Variants in MAP3K1 observed in about 807,000 individuals in gnomAD.
MAP3K1 encodes the protein MAP/ERK kinase kinase 1.
Under a neutral mutation model 144.2 loss-of-function variants are expected in MAP3K1, and 36 were observed. The observed-to-expected ratio is 0.25, with a 90% CI of 0.19 to 0.33. The LOEUF (loss-of-function observed/expected upper bound fraction) is 0.33. MAP3K1 is among the 10% of genes least tolerant of loss of function. MAP3K1 has a pLI of 1.00. For missense variants in MAP3K1, 1,650 were observed against 1,881.9 expected, an observed-to-expected ratio of 0.88 and a Z score of 2.28; for synonymous variants, 718 against 688.7, an observed-to-expected ratio of 1.04 and a Z score of -0.67.
In MAP3K1 at chr5:56,846,758, G is replaced by A. The variant is rs533723732; in HGVS notation, c.483-9842G>A. Among the ~76,000 whole-genome samples, 3 of 152,302 alleles carry A rather than the reference G, an allele frequency of 2.0e-5. No individual in the cohort carries two copies. In the East Asian group the frequency reaches 5.8e-4, roughly 29 times the overall value. On this transcript the variant is annotated intron_variant, in intron 1 of 19. Transcript: ENST00000399503. ...TTTGACGTTTTCTTGACCTGTCAGT[G>A]CTCATGATTGTTTCCGTGGCTTAAC...
At chr5:56,849,022 A>G (rs974616716) in intron 1 of MAP3K1, among the ~76,000 whole-genome samples, 21 of 152,232 alleles carry the variant, frequency 1.4e-4, no homozygotes, top group Non-Finnish European at 2.5e-4. Flanking sequence ...TTCCACTAAT[A>G]AAGATTTCTG....
chr5:56,893,383 C>G, intron 19 of MAP3K1, 148 bp from the exon 20 acceptor site: 1 of 832,604 alleles, frequency 1.2e-6, no homozygotes, highest in South Asian at 1.5e-5. Flanking sequence ...TTTTCATAGA[C>G]TTTTTGATAG....
intron 7 of MAP3K1, 67 bp from the exon 8 acceptor site, chr5:56,872,574 A>C (rs1747887344): frequency 1.1e-6 from 1 of 899,872 alleles, no homozygotes; most frequent in Non-Finnish European, 1.8e-6. Context: ...AATTATAAAC[A>C]GTTATGAAAT....
At chr5:56,840,111 C>T (rs999027916) in intron 1 of MAP3K1, among the ~76,000 whole-genome samples, 5 of 152,136 alleles carry the variant, frequency 3.3e-5, no homozygotes, top group African/African-American at 7.2e-5. Context: ...CCATTGACAT[C>T]TACTCATGTT....
At chr5:56,842,954 ACTT>A (rs1746861130) in intron 1 of MAP3K1, among the ~76,000 whole-genome samples, 1 of 151,978 alleles carries the variant, frequency 6.6e-6, no homozygotes, top group Non-Finnish European at 1.5e-5. Context: ...GCTGTGCCAT[ACTT>A]CTTCTGTATG....
chr5:56,851,238 G>A (rs1747160933), intron 1 of MAP3K1, among the ~76,000 whole-genome samples: 1 of 152,182 alleles, frequency 6.6e-6, no homozygotes, highest in Non-Finnish European at 1.5e-5. Context: ...GAGCCACCGT[G>A]CCCGGCCAGG....
chr5:56,818,175 G>A (rs1746039434), intron 1 of MAP3K1, among the ~76,000 whole-genome samples: 1 of 151,850 alleles, frequency 6.6e-6, no homozygotes, highest in East Asian at 1.9e-4. Flanking sequence ...CTTAACAATT[G>A]GGTTGAAATT....
intron 1 of MAP3K1, among the ~76,000 whole-genome samples, chr5:56,818,313 C>A (rs186105911): frequency 0.011 from 1,623 of 152,040 alleles, 12 homozygotes; most frequent in Non-Finnish European, 0.016. Context: ...GGAAAAAAAA[C>A]CCTTAATTAT....
At chr5:56,842,148 C>T (rs1037302502) in intron 1 of MAP3K1, 1 of 152,200 alleles carries the variant, frequency 6.6e-6, no homozygotes, top group Admixed American at 6.5e-5. Context: ...TCCCTCAATA[C>T]CAGCAGAAGC....
chr5:56,887,523 G>A lies in MAP3K1; in HGVS notation c.4257+3G>A, dbSNP rs756097870. The A allele has an allele frequency of 1.9e-6, 3 of 1,614,088 alleles. No homozygotes were observed. The highest frequency in any genetic ancestry group is 2.2e-5 in the East Asian group (1 of 44,872). On this transcript the variant is annotated splice_donor_region_variant and intron_variant, in intron 18 of 19. Coordinates refer to ENST00000399503, the MANE Select transcript of MAP3K1 (RefSeq NM_005921.2). ...CAATTGCATTTATGGCACCTGAGGT[G>A]AGAAGCATCTTTGAGTGTGATGACA...
intron 1 of MAP3K1, among the ~76,000 whole-genome samples, chr5:56,819,156 A>G (rs1025301429): frequency 4.5e-4 from 69 of 152,224 alleles, no homozygotes; most frequent in African/African-American, 1.5e-3. Context: ...AGAGAAATAT[A>G]AGAGCTAGAA....
At chr5:56,832,471 T>C (rs1746522394) in intron 1 of MAP3K1, among the ~76,000 whole-genome samples, 2 of 152,210 alleles carry the variant, frequency 1.3e-5, no homozygotes, top group Admixed American at 6.5e-5. Flanking sequence ...ATAAATTGTC[T>C]CATTTAAGTC....
chr5:56,895,953 C>T lies in MAP3K1; in HGVS notation c.*2273C>T, dbSNP rs1405614541. The T allele has an allele frequency of 9.2e-6, 2 of 218,292 alleles. No homozygotes were observed. The highest frequency in any genetic ancestry group is 1.2e-4 in the Admixed American group (2 of 16,264). 13.5% of individuals were successfully genotyped at this position (218,292 alleles called of 1,614,324 possible). The stretch of plus-strand genomic sequence containing the variant: ...GCTTAAGGGCTAACTTCTATTAGCA[C>T]CTTACTGTGTAAGCAAATGTTACAA... On this transcript the variant is annotated 3_prime_UTR_variant, in exon 20 of 20. Transcript: ENST00000399503.
intron 1 of MAP3K1, among the ~76,000 whole-genome samples, chr5:56,825,131 T>C (rs1316164089): frequency 6.6e-6 from 1 of 152,020 alleles, no homozygotes; most frequent in Non-Finnish European, 1.5e-5. Context: ...CCTCAGCCTC[T>C]TGAGTAGCTG....
At chr5:56,832,831 A>C (rs891026443) in intron 1 of MAP3K1, among the ~76,000 whole-genome samples, 2 of 152,224 alleles carry the variant, frequency 1.3e-5, no homozygotes, top group Non-Finnish European at 2.9e-5. Context: ...TAGGTCTTCC[A>C]AAAATACAGA....
rs1333697770 is a variant in MAP3K1 at position 56,815,684 on chromosome 5, C to T, written c.111C>T (p.Pro37=). ...GAGCCCTCAAGGCGAGCAGCGCGCC[C>T]GCGGCTGCCGCGGGACTGCTGCGGG... The part of the protein sequence containing the change: ...GGGALKASSA[P]AAAAGLLREA... Residue 37 remains proline (P), a synonymous_variant, in exon 1 of 20, where the codon CCC becomes CCT. Transcript: ENST00000399503. 1.2e-5 allele frequency: 16 copies of T among 1,301,120 alleles called. No homozygotes were observed. Among genetic ancestry groups the T allele is most frequent in the South Asian group, 7.2e-5 (3 of 41,866 alleles). 80.6% of individuals were successfully genotyped at this position (1,301,120 alleles called of 1,614,324 possible). A position where few individuals can be genotyped will look rare whatever the true frequency, so the allele number is the denominator to read the frequency against.
rs1245161979 is a variant in MAP3K1 at position 56,859,930 on chromosome 5, C to A, written c.834+15C>A. On this transcript the variant is annotated intron_variant, in intron 3 of 19. Transcript: ENST00000399503. ...CCCCAGTGCCTGTAAGTTAATGTTA[C>A]AACAAATATGTTAGTTTTTATAATT... 1.9e-6 allele frequency: 3 copies of A among 1,580,954 alleles called. No homozygotes were observed. The highest frequency in any genetic ancestry group is 1.1e-5 in the South Asian group (1 of 88,378).
intron 9 of MAP3K1, 54 bp from the exon 10 acceptor site, chr5:56,874,978 T>C (rs1747977720): frequency 1.3e-6 from 2 of 1,583,470 alleles, no homozygotes; most frequent in African/African-American, 1.3e-5. Context: ...CTCAAAATGC[T>C]CTGGGTCCAT....
Position 56,881,979 on chromosome 5 carries a change from AT to A in MAP3K1, c.2782del (p.Ser928LeufsTer9). On this transcript the variant is annotated frameshift_variant, in exon 14 of 20. Coordinates refer to ENST00000399503, the MANE Select transcript of MAP3K1 (RefSeq NM_005921.2). LOFTEE classifies it high-confidence loss of function. ...AAAATTGAGTGCCAGTTCAGAGGAC[AT>A]TTCTGAGAGACTGGCCAGCATTTCA... The part of the protein sequence containing the change: ...ATKLSASSED[I>X]SERLASISVG... 1 of 1,613,910 alleles carries A rather than the reference AT, an allele frequency of 6.2e-7. No homozygotes were observed. Among genetic ancestry groups the A allele is most frequent in the Non-Finnish European group, 8.5e-7 (1 of 1,179,990 alleles).
Sources: gnomAD v4.1 joint callset for allele counts (sites outside exome capture counted in the v4.1 genomes callset) on GRCh38, gnomAD v4.1.1 for gene constraint, MANE v1.5 for transcripts, NCBI Gene and HGNC (gene_info 2026-07-23, HGNC 2026-07-21) for gene names.